Variants in PCLO observed in about 807,000 individuals in gnomAD.
PCLO encodes the protein protein piccolo.
PCLO carries 82 observed loss-of-function variants against 427.5 expected under a neutral mutation model. That is an observed-to-expected ratio of 0.19 (90% CI 0.16 to 0.23). The LOEUF is 0.23. PCLO is among the 10% of genes least tolerant of loss of function. The pLI, the probability that PCLO is intolerant of heterozygous loss-of-function variation, is 1.00. For synonymous variants in PCLO, 2,357 were observed against 2,155.4 expected (o/e 1.09, Z -2.59); for missense variants, 6,239 against 6,115.9 (o/e 1.02, Z -0.67).
At chr7:83,016,945 C>T (rs946965158) in intron 3 of PCLO, among the ~76,000 whole-genome samples, 3 of 151,984 alleles carry the variant, frequency 2.0e-5, no homozygotes, top group African/African-American at 7.2e-5. Context: ...TAAACCATGT[C>T]AAGAATGATT....
chr7:83,082,207 G>GA (rs1329050981), intron 3 of PCLO, among the ~76,000 whole-genome samples: 3 of 151,108 alleles, frequency 2.0e-5, no homozygotes, highest in South Asian at 4.2e-4. Context: ...ATATGCAATA[G>GA]AAAAAACACT....
At chr7:83,055,035 C>T (rs1325577337) in intron 3 of PCLO, among the ~76,000 whole-genome samples, 1 of 152,044 alleles carries the variant, frequency 6.6e-6, no homozygotes, top group Non-Finnish European at 1.5e-5. Flanking sequence ...TCAATTTCCT[C>T]ACAACAGAAA....
At chr7:82,787,074 T>G (rs191502377) in intron 22 of PCLO, among the ~76,000 whole-genome samples, 22 of 152,270 alleles carry the variant, frequency 1.4e-4, no homozygotes, top group African/African-American at 4.1e-4. Context: ...TATAGGAGAA[T>G]GATTTATAAT....
chr7:82,933,854 C>T (rs1350571148), intron 6 of PCLO, among the ~76,000 whole-genome samples: 1 of 151,894 alleles, frequency 6.6e-6, no homozygotes, highest in East Asian at 1.9e-4. Context: ...TCAGATCCCT[C>T]TCAAGAATAT....
chr7:83,002,036 T>G (rs1474916497), intron 3 of PCLO, among the ~76,000 whole-genome samples: 1 of 152,154 alleles, frequency 6.6e-6, no homozygotes, highest in South Asian at 2.1e-4. Context: ...TATAGATTTC[T>G]TTTTAATTCT....
intron 10 of PCLO, among the ~76,000 whole-genome samples, chr7:82,853,911 A>C (rs990257333): frequency 6.6e-6 from 1 of 152,156 alleles, no homozygotes; most frequent in Non-Finnish European, 1.5e-5. Context: ...TGGGAAACAC[A>C]AAACAGCTGC....
At chr7:83,023,271 A>G (rs17157045) in intron 3 of PCLO, among the ~76,000 whole-genome samples, 3,654 of 152,322 alleles carry the variant, frequency 0.024, 157 homozygotes, top group African/African-American at 0.083. Flanking sequence ...TATAAACAAT[A>G]CAAAAAGTGA....
intron 3 of PCLO, among the ~76,000 whole-genome samples, chr7:83,071,338 A>G (rs548910847): frequency 2.0e-5 from 3 of 152,296 alleles, no homozygotes; most frequent in Non-Finnish European, 4.4e-5. Context: ...GACAATAGTT[A>G]TATCTTCTTA....
intron 22 of PCLO, among the ~76,000 whole-genome samples, chr7:82,780,464 C>G (rs1308421296): frequency 6.6e-6 from 1 of 152,190 alleles, no homozygotes; most frequent in Non-Finnish European, 1.5e-5. Context: ...TCCCAAGATG[C>G]CTTCTTAATG....
intron 3 of PCLO, among the ~76,000 whole-genome samples, chr7:83,115,228 T>C (rs1035945194): frequency 5.9e-5 from 9 of 152,060 alleles, no homozygotes; most frequent in Non-Finnish European, 1.3e-4. Context: ...GAAAGTATGG[T>C]TCAGGTAGAG....
intron 1 of PCLO, among the ~76,000 whole-genome samples, chr7:83,160,539 A>C (rs1055805352): frequency 2.0e-5 from 3 of 146,850 alleles, no homozygotes; most frequent in South Asian, 4.2e-4. Context: ...TGCAAAGGTC[A>C]GAAAATTATT....
At chr7:82,762,789 G>A (rs1025287886) in intron 22 of PCLO, among the ~76,000 whole-genome samples, 4 of 151,520 alleles carry the variant, frequency 2.6e-5, no homozygotes, top group Non-Finnish European at 4.4e-5. Context: ...TCTTTCTTTC[G>A]CTCTCTTTCA....
intron 10 of PCLO, among the ~76,000 whole-genome samples, chr7:82,878,876 TG>T (rs778867300): frequency 5.3e-5 from 8 of 152,318 alleles, no homozygotes; most frequent in African/African-American, 9.6e-5. Flanking sequence ...TGATCATGAC[TG>T]TGTTCCAATA....
chr7:82,890,577 T>C (rs1165713865), intron 9 of PCLO, among the ~76,000 whole-genome samples: 2 of 151,974 alleles, frequency 1.3e-5, no homozygotes, highest in African/African-American at 2.4e-5. Flanking sequence ...TTTAACGTTA[T>C]AGAAGGTGGA....
intron 7 of PCLO, among the ~76,000 whole-genome samples, chr7:82,910,814 G>A (rs1794303583): frequency 6.6e-6 from 1 of 152,070 alleles, no homozygotes; most frequent in African/African-American, 2.4e-5. Flanking sequence ...GAAATTTAGT[G>A]TAATAGACAT....
chr7:82,914,208 T>A (rs1156641237), intron 7 of PCLO, among the ~76,000 whole-genome samples: 1 of 152,080 alleles, frequency 6.6e-6, no homozygotes, highest in East Asian at 1.9e-4. Context: ...TAATGAACAC[T>A]GATCTCATAA....
intron 6 of PCLO, among the ~76,000 whole-genome samples, chr7:82,925,106 A>C (rs1794683293): frequency 1.3e-5 from 2 of 152,140 alleles, no homozygotes; most frequent in African/African-American, 4.8e-5. Context: ...TAAGAAGAGT[A>C]ATACTTATAC....
At chr7:82,804,760 A>G (rs951787721) in intron 21 of PCLO, among the ~76,000 whole-genome samples, 15 of 152,274 alleles carry the variant, frequency 9.9e-5, no homozygotes, top group Admixed American at 2.0e-4. Context: ...ATTTCCTATA[A>G]TTTTCAAGTG....
rs202187289 is a variant in PCLO at position 82,767,123 on chromosome 7, AAAAC to A, written c.15008-5634_15008-5631del. On this transcript the variant is annotated intron_variant, in intron 22 of 24. Coordinates refer to ENST00000333891, the MANE Select transcript of PCLO (RefSeq NM_033026.6). The stretch of plus-strand genomic sequence containing the variant: ...TCCAGATCTGCTTGAGCCTTTGAAC[AAAAC>A]AAACAAACAAACAAACAACAAAAAA... Among the ~76,000 whole-genome samples the A allele has an allele frequency of 1.2e-4, 19 of 152,206 alleles. No individual in the cohort carries two copies. In the East Asian group the frequency reaches 2.1e-3, roughly 17 times the overall value.
Sources: allele counts gnomAD v4.1 joint callset (sites outside exome capture counted in the v4.1 genomes callset), GRCh38; gene constraint gnomAD v4.1.1; transcripts MANE v1.5; gene names NCBI Gene and HGNC (gene_info 2026-07-23, HGNC 2026-07-21).